The following SIPA1L1 variants were observed in gnomAD, a reference collection of about 807,000 sequenced individuals.
SIPA1L1 encodes signal induced proliferation associated 1 like 1, also known as signal-induced proliferation-associated 1-like protein 1.
SIPA1L1 carries 26 observed loss-of-function variants against 162.7 expected under a neutral mutation model. That is an observed-to-expected ratio of 0.16 (90% CI 0.12 to 0.22). SIPA1L1 has a LOEUF of 0.22. Ranked by LOEUF, SIPA1L1 falls within the 10% of genes least tolerant of loss-of-function variation. The probability of loss-of-function intolerance (pLI) is 1.00; values close to 1 mark genes in which losing one functional copy is unlikely to be tolerated. For missense variants in SIPA1L1, 1,874 were observed against 2,241.0 expected, an observed-to-expected ratio of 0.84 and a Z score of 3.31; for synonymous variants, 829 against 837.4, an observed-to-expected ratio of 0.99 and a Z score of 0.17.
intron 2 of SIPA1L1, among the ~76,000 whole-genome samples, chr14:71,322,498 A>G (rs1042251708): frequency 6.6e-5 from 10 of 152,232 alleles, no homozygotes; most frequent in Non-Finnish European, 1.2e-4. Flanking sequence ...AACAGTGGTA[A>G]TAACAGTAGG....
chr14:71,733,736 T>C lies in SIPA1L1; in HGVS notation c.4932T>C (p.Pro1644=). ...CCCGCAGGCAGCCTATGCCCGACCCTGGCCTGATGCCCCTGCCTGACACTG... is the reference window on the plus strand; with the variant it reads ...CCCGCAGGCAGCCTATGCCCGACCCCGGCCTGATGCCCCTGCCTGACACTG... ...QETRRQPMPD[P]GLMPLPDTAA... Residue 1644 remains proline, a synonymous_variant, in exon 21 of 24, where the codon CCT becomes CCC. Transcript: ENST00000381232. 1 of 1,613,866 alleles carries C rather than the reference T, an allele frequency of 6.2e-7. No homozygotes were observed. The highest frequency in any genetic ancestry group is 1.7e-5 in the Admixed American group (1 of 60,026).
At position 71,604,195 on chromosome 14, in the gene SIPA1L1, C is replaced by T. The variant is rs986107657; in HGVS notation, c.1499-14562C>T. 2.2e-4 allele frequency among the ~76,000 whole-genome samples: 33 copies of T among 151,558 alleles called. 1 individual carries two copies. The highest frequency in any genetic ancestry group is 1.3e-4 in the Non-Finnish European group (9 of 67,940). ...ATATTTTTTTATAGAGATGAGGTTT[C>T]ACCATGTTGCCCTGGCTGGTCTTGA... is the stretch of plus-strand genomic sequence containing the variant. On this transcript the variant is annotated intron_variant, in intron 5 of 23. Transcript: ENST00000381232.
At chr14:71,670,212 A>G (rs762243104) in intron 10 of SIPA1L1, among the ~76,000 whole-genome samples, 1 of 152,202 alleles carries the variant, frequency 6.6e-6, no homozygotes, top group Non-Finnish European at 1.5e-5. Context: ...TTCTATATCA[A>G]CAACTTCCTT....
At chr14:71,405,156 A>C (rs956971198) in intron 2 of SIPA1L1, among the ~76,000 whole-genome samples, 6 of 152,228 alleles carry the variant, frequency 3.9e-5, no homozygotes, top group African/African-American at 1.4e-4. Context: ...AGTGGTAAAA[A>C]GGTAATAACA....
intron 19 of SIPA1L1, among the ~76,000 whole-genome samples, chr14:71,728,941 G>T (rs1415686962): frequency 6.6e-6 from 1 of 152,128 alleles, no homozygotes; most frequent in African/African-American, 2.4e-5. Context: ...AATCAAATTT[G>T]GTCACAGAGG....
intron 19 of SIPA1L1, among the ~76,000 whole-genome samples, chr14:71,727,125 T>C (rs1422321544): frequency 6.6e-6 from 1 of 152,074 alleles, no homozygotes; most frequent in Non-Finnish European, 1.5e-5. Context: ...GAAACCTCAC[T>C]GGCAAGCAGA....
intron 4 of SIPA1L1, among the ~76,000 whole-genome samples, chr14:71,569,722 A>T (rs2031561907): frequency 6.6e-6 from 1 of 152,212 alleles, no homozygotes; most frequent in East Asian, 1.9e-4. Context: ...TAGCCAAGAC[A>T]ACACTCGTTC....
At chr14:71,593,548 C>T (rs1314621151) in intron 5 of SIPA1L1, among the ~76,000 whole-genome samples, 1 of 151,988 alleles carries the variant, frequency 6.6e-6, no homozygotes, top group Admixed American at 6.6e-5. Context: ...GATCAGAGTA[C>T]TAAGGAAATT....
At chr14:71,708,861 G>A (rs1362451168) in intron 16 of SIPA1L1, among the ~76,000 whole-genome samples, 4 of 151,990 alleles carry the variant, frequency 2.6e-5, no homozygotes, top group Admixed American at 6.5e-5. Flanking sequence ...GAATTAACAT[G>A]CTTTCTAATT....
intron 2 of SIPA1L1, among the ~76,000 whole-genome samples, chr14:71,334,367 G>A (rs1292376176): frequency 6.6e-6 from 1 of 152,206 alleles, no homozygotes. Context: ...AGGCCACATT[G>A]TATTGTGGAA....
intron 5 of SIPA1L1, among the ~76,000 whole-genome samples, chr14:71,592,952 T>C (rs1168144139): frequency 6.6e-6 from 1 of 152,172 alleles, no homozygotes; most frequent in Non-Finnish European, 1.5e-5. Flanking sequence ...TGTATGTTTA[T>C]ATTGAGAACC....
At chr14:71,685,826 A>G (rs1046303280) in intron 13 of SIPA1L1, among the ~76,000 whole-genome samples, 195 bp downstream of exon 13, 9 of 152,212 alleles carry the variant, frequency 5.9e-5, no homozygotes, top group African/African-American at 2.2e-4. Flanking sequence ...GATTCTAGCA[A>G]AGCCTTCAGC....
At chr14:71,633,882 A>C (rs2040847413) in intron 7 of SIPA1L1, among the ~76,000 whole-genome samples, 1 of 152,178 alleles carries the variant, frequency 6.6e-6, no homozygotes, top group Non-Finnish European at 1.5e-5. Context: ...GAAGAAGAGG[A>C]GAAAGATGGC....
intron 2 of SIPA1L1, among the ~76,000 whole-genome samples, chr14:71,442,369 G>T (rs1196024621): frequency 6.6e-6 from 1 of 151,978 alleles, no homozygotes; most frequent in Non-Finnish European, 1.5e-5. Flanking sequence ...CCAGAGTATA[G>T]ATGGAAGCAT....
At chr14:71,535,263 G>T (rs1283253823) in intron 4 of SIPA1L1, among the ~76,000 whole-genome samples, 2 of 152,190 alleles carry the variant, frequency 1.3e-5, no homozygotes, top group Non-Finnish European at 2.9e-5. Flanking sequence ...TTCTAAACTG[G>T]AAGTATTTAT....
At chr14:71,509,312 A>G (rs2144211888) in intron 2 of SIPA1L1, among the ~76,000 whole-genome samples, 1 of 152,328 alleles carries the variant, frequency 6.6e-6, no homozygotes, top group South Asian at 2.1e-4. Context: ...GTATTTAAAA[A>G]CAAAATCTTT....
At chr14:71,476,421 G>C (rs2047855259) in intron 2 of SIPA1L1, among the ~76,000 whole-genome samples, 2 of 152,122 alleles carry the variant, frequency 1.3e-5, no homozygotes, top group Admixed American at 1.3e-4. Context: ...GTTAACTTTG[G>C]AAAGAAATGG....
At chr14:71,583,278 A>G (rs558058433) in intron 4 of SIPA1L1, among the ~76,000 whole-genome samples, 7 of 152,328 alleles carry the variant, frequency 4.6e-5, no homozygotes, top group African/African-American at 1.4e-4. Flanking sequence ...GGCACAAGGC[A>G]CTGTGCTGGG....
chr14:71,466,696 A>G (rs1287793483), intron 2 of SIPA1L1, among the ~76,000 whole-genome samples: 1 of 152,144 alleles, frequency 6.6e-6, no homozygotes, highest in African/African-American at 2.4e-5. Context: ...ATGCATTATG[A>G]ACTAAATACA....
Sources: allele counts gnomAD v4.1 joint callset (sites outside exome capture counted in the v4.1 genomes callset), GRCh38; gene constraint gnomAD v4.1.1; transcripts MANE v1.5; gene names NCBI Gene and HGNC (gene_info 2026-07-23, HGNC 2026-07-21).